The following NAXD variants were observed in gnomAD, a reference collection of about 807,000 sequenced individuals.
NAXD encodes the protein ATP-dependent (S)-NAD(P)H-hydrate dehydratase.
In NAXD, 22 loss-of-function variants were observed where a neutral mutation model predicts 35.8. The ratio of observed to expected loss-of-function variants is 0.62; its 90% CI spans 0.44 to 0.88. The LOEUF is 0.88. NAXD is among the 40% of genes least tolerant of loss of function. The probability of loss-of-function intolerance (pLI) is 0.00; values close to 1 mark genes in which losing one functional copy is unlikely to be tolerated. For synonymous variants in NAXD, 189 were observed against 177.6 expected, an observed-to-expected ratio of 1.06 and a Z score of -0.51; for missense variants, 428 against 437.7, an observed-to-expected ratio of 0.98 and a Z score of 0.20.
rs1362585222 is a variant in NAXD, at chr13:110,638,454, C to T, written c.916C>T (p.His306Tyr). Residue 306 changes from histidine to tyrosine, a missense_variant, in exon 10 of 10, where the codon CAC becomes TAC. His to Tyr is a moderately conservative substitution (Grantham distance 83). This residue lies in a region of NAXD where 209 missense variants were observed against 214.6 expected (regional missense o/e 0.97). Coordinates refer to ENST00000680254, the MANE Select transcript of NAXD (RefSeq NM_001242882.2). The surrounding 1 kb of genome is among the most constrained non-coding windows in gnomAD (Gnocchi z 5.4). ...GTGCAACCACCAAGCCTTCCAGAAG[C>T]ACGGTCGCTCCACCACCACCTCCGA... ...RQCNHQAFQK[H>Y]GRSTTTSDMI... 6.2e-7 allele frequency: 1 copy of T among 1,613,464 alleles called. No individual in the cohort carries two copies. Among genetic ancestry groups the T allele is most frequent in the South Asian group, 1.1e-5 (1 of 91,078 alleles).
intron 2 of NAXD, among the ~76,000 whole-genome samples, chr13:110,622,952 G>T (rs557322268): frequency 6.6e-6 from 1 of 152,044 alleles, no homozygotes; most frequent in African/African-American, 2.4e-5. Flanking sequence ...GCTGTTGATC[G>T]TGCCATAGGG....
At chr13:110,635,634 C>T (rs746491829) in intron 8 of NAXD, 46 bp downstream of exon 8, 35 of 1,603,380 alleles carry the variant, frequency 2.2e-5, no homozygotes, top group Non-Finnish European at 2.8e-5. Flanking sequence ...CCAGGTCAGT[C>T]AGCATGGCCA....
intron 5 of NAXD, among the ~76,000 whole-genome samples, chr13:110,631,652 C>G (rs972881089): frequency 2.6e-5 from 4 of 152,180 alleles, no homozygotes; most frequent in Non-Finnish European, 5.9e-5. Context: ...AATACTGCAA[C>G]ATGAAATCAG....
At position 110,625,236 on chromosome 13, in the gene NAXD, T is replaced by C; in HGVS notation, c.290T>C (p.Val97Ala). ...HVFCASAAAPVIKAYSPELIV... is the reference protein window; with the variant it reads ...HVFCASAAAPAIKAYSPELIV... ...TTCTGTGCCAGTGCGGCCGCACCTG[T>C]GATTAAGGCCTACAGCCCGGAGCTG... is the stretch of plus-strand genomic sequence containing the variant. Residue 97 changes from valine to alanine, a missense_variant, in exon 4 of 10, where the codon GTG (valine) becomes GCG (alanine). Transcript: ENST00000680254. 1 of 1,613,928 alleles carries C rather than the reference T, an allele frequency of 6.2e-7. No homozygotes were observed. Among genetic ancestry groups the C allele is most frequent in the African/African-American group, 1.3e-5 (1 of 75,040 alleles).
chr13:110,625,179 T>C lies in NAXD; in HGVS notation c.244-11T>C. 1 of 1,610,388 alleles carries C rather than the reference T, an allele frequency of 6.2e-7. No individual in the cohort carries two copies. The highest frequency in any genetic ancestry group is 1.7e-5 in the Admixed American group (1 of 60,018). On this transcript the variant is annotated splice_polypyrimidine_tract_variant and intron_variant, in intron 3 of 9. Coordinates refer to ENST00000680254, the MANE Select transcript of NAXD (RefSeq NM_001242882.2). Reference sequence around the variant, plus strand: ...CGATCCCTGAGTCGGCCTCTTGTGCTCCTTCATCAGGGCGCAGACTTGTCC... The same window carrying C: ...CGATCCCTGAGTCGGCCTCTTGTGCCCCTTCATCAGGGCGCAGACTTGTCC...
intron 8 of NAXD, among the ~76,000 whole-genome samples, chr13:110,636,459 G>A (rs1886930160): frequency 6.6e-6 from 1 of 152,082 alleles, no homozygotes; most frequent in Admixed American, 6.6e-5. Flanking sequence ...CATGCTCACA[G>A]CCTCGCACAC....
rs575120206 is a variant in NAXD at position 110,638,727 on chromosome 13, G to A, written c.*199G>A. 9.6e-5 allele frequency: 69 copies of A among 720,348 alleles called. No homozygotes were observed. The South Asian group carries it at 1.0e-3, about 11-fold the overall frequency. 44.6% of individuals were successfully genotyped at this position (720,348 alleles called of 1,614,324 possible). On this transcript the variant is annotated 3_prime_UTR_variant, in exon 10 of 10. Coordinates refer to ENST00000680254, the MANE Select transcript of NAXD (RefSeq NM_001242882.2). This position sits in a 1 kb window ranked among gnomAD's most constrained non-coding sequence, Gnocchi z 5.4. ...TTAAACTTAATGCATGGTTGGAGAT[G>A]TTATGGCGACACTAAACAAAGTATT... is the stretch of plus-strand genomic sequence containing the variant.
intron 1 of NAXD, among the ~76,000 whole-genome samples, chr13:110,617,660 A>G (rs1442130546): frequency 6.6e-6 from 1 of 152,158 alleles, no homozygotes; most frequent in East Asian, 1.9e-4. Context: ...TATACTTCTT[A>G]TTTTGCCTTA....
intron 4 of NAXD, among the ~76,000 whole-genome samples, chr13:110,626,157 G>A (rs1046220230): frequency 7.3e-5 from 11 of 151,666 alleles, no homozygotes; most frequent in Admixed American, 7.2e-4. Flanking sequence ...GGCAGGGCCA[G>A]TGTGGGTCAT....
At chr13:110,634,372 T>C (rs769386682) in intron 5 of NAXD, among the ~76,000 whole-genome samples, 173 bp from the exon 6 acceptor site, 3 of 152,136 alleles carry the variant, frequency 2.0e-5, no homozygotes, top group Non-Finnish European at 4.4e-5. Context: ...CCCTTATGCC[T>C]CTTTTAAAGG....
rs142423406 is a variant in NAXD at position 110,622,310 on chromosome 13, T to C, written c.141T>C (p.Ser47=). 1.9e-4 allele frequency: 310 copies of C among 1,614,222 alleles called. No individual in the cohort carries two copies. The African/African-American group carries it at 3.7e-3, about 19-fold the overall frequency. Residue 47 remains serine, a synonymous_variant, in exon 2 of 10, where the codon TCT becomes TCC. Coordinates refer to ENST00000680254, the MANE Select transcript of NAXD (RefSeq NM_001242882.2). The part of the protein sequence containing the change: ...QLVRNIIPPL[S]STKHKGQDGR... ...TGAGAAATATCATACCTCCTCTGTC[T>C]TCCACAAAGCACAAAGGGCAAGATG...
chr13:110,625,308 G>C, intron 4 of NAXD, 30 bp downstream of exon 4: 6 of 1,484,942 alleles, frequency 4.0e-6, no homozygotes, highest in Non-Finnish European at 5.6e-6. Flanking sequence ...CTTCTCGTAG[G>C]TTCTCTTTCC....
intron 5 of NAXD, among the ~76,000 whole-genome samples, chr13:110,630,585 T>A (rs1015481405): frequency 2.6e-5 from 4 of 152,218 alleles, no homozygotes; most frequent in African/African-American, 7.2e-5. Context: ...GTGCTGTTGG[T>A]GTCTTATCTC....
rs1886570614 is a variant in NAXD, at chr13:110,628,243, C to T, written c.441+696C>T. On this transcript the variant is annotated intron_variant, in intron 5 of 9. Coordinates refer to ENST00000680254, the MANE Select transcript of NAXD (RefSeq NM_001242882.2). The surrounding 1 kb of genome is among the most constrained non-coding windows in gnomAD (Gnocchi z 4.1). ...TGGTGTGTCTCTGCTGGGGGTTGTGCTCCTGTGGGGCTGCCCTCTGAGACC... is the reference window on the plus strand; with the variant it reads ...TGGTGTGTCTCTGCTGGGGGTTGTGTTCCTGTGGGGCTGCCCTCTGAGACC... Among the ~76,000 whole-genome samples the T allele has an allele frequency of 6.6e-6, 1 of 152,300 alleles. No individual in the cohort carries two copies. The highest frequency in any genetic ancestry group is 6.5e-5 in the Admixed American group (1 of 15,302).
rs1243911828 is a variant in NAXD, at chr13:110,627,465, TGGA to T, written c.361_363del (p.Glu121del). 1 of 1,614,076 alleles carries T rather than the reference TGGA, an allele frequency of 6.2e-7. No individual in the cohort carries two copies. Among genetic ancestry groups the T allele is most frequent in the Non-Finnish European group, 8.5e-7 (1 of 1,179,930 alleles). On this transcript the variant is annotated inframe_deletion, in exon 5 of 10. Coordinates refer to ENST00000680254, the MANE Select transcript of NAXD (RefSeq NM_001242882.2). Reference sequence around the variant, plus strand: ...GACAGCCCCAATGCTGTTCATGAGGTGGAGAAGTGGCTGCCCCGGCTGCATGCT... The same window carrying T: ...GACAGCCCCAATGCTGTTCATGAGGTGAAGTGGCTGCCCCGGCTGCATGCT...
chr13:110,620,352 T>G (rs780767011), intron 1 of NAXD, among the ~76,000 whole-genome samples: 1 of 151,298 alleles, frequency 6.6e-6, no homozygotes, highest in Admixed American at 6.6e-5. Flanking sequence ...GAGGCCGAGG[T>G]GGGCAGATCA....
chr13:110,629,028 C>T (rs1886606769), intron 5 of NAXD, among the ~76,000 whole-genome samples: 2 of 152,256 alleles, frequency 1.3e-5, no homozygotes, highest in African/African-American at 4.8e-5. Context: ...GGTTCCTGTA[C>T]ACTGTTGCCG....
At chr13:110,637,966 G>T (rs530537566) in intron 9 of NAXD, among the ~76,000 whole-genome samples, 1 of 152,052 alleles carries the variant, frequency 6.6e-6, no homozygotes, top group African/African-American at 2.4e-5. Flanking sequence ...GTGTTCACTC[G>T]AGTTGCCTCC....
At chr13:110,616,955 A>G (rs559318193) in intron 1 of NAXD, among the ~76,000 whole-genome samples, 1 of 152,350 alleles carries the variant, frequency 6.6e-6, no homozygotes, top group Non-Finnish European at 1.5e-5. Flanking sequence ...AGGGTACTCT[A>G]CACTGCACCT....
Sources: gnomAD v4.1 joint callset for allele counts (sites outside exome capture counted in the v4.1 genomes callset) on GRCh38, gnomAD v4.1.1 for gene constraint, gnomAD v4.1.1 regional missense constraint, Gnocchi (gnomAD v3.1) non-coding constraint, MANE v1.5 for transcripts, NCBI Gene and HGNC (gene_info 2026-07-23, HGNC 2026-07-21) for gene names.